GRM6: variants seen among roughly 807,000 people sequenced by gnomAD.
GRM6 encodes the protein metabotropic glutamate receptor 6.
Under a neutral mutation model 78.4 loss-of-function variants are expected in GRM6, and 73 were observed. The ratio of observed to expected loss-of-function variants is 0.93; its 90% confidence interval spans 0.77 to 1.13. The LOEUF is 1.13. Among genes scored for constraint, GRM6 ranks in the 50% most tolerant of loss-of-function variants. The pLI is 0.00. For synonymous variants in GRM6, 580 were observed against 555.0 expected (o/e 1.05, Z -0.63); for missense variants, 1,251 against 1,256.4 (o/e 1.00, Z 0.07).
chr5:178,992,761 G>C lies in GRM6; in HGVS notation c.505-678C>G, dbSNP rs568649978. 2.0e-4 allele frequency among the ~76,000 whole-genome samples: 31 copies of C among 152,182 alleles called. No homozygotes were observed. The South Asian group carries it at 3.5e-3, about 17-fold the overall frequency. On this transcript the variant is annotated intron_variant, in intron 2 of 10. Coordinates refer to ENST00000517717, the MANE Select transcript of GRM6 (RefSeq NM_000843.4). This position sits in a 1 kb window ranked among gnomAD's most constrained non-coding sequence, Gnocchi z 4.9. ...CAGGAGCTGGTGTGAAGGCCAGAGA[G>C]GGGGAGTTTCTGGAAGGAGGGAGGG... is the stretch of plus-strand genomic sequence containing the variant.
chr5:178,994,882 C>T lies in GRM6; in HGVS notation c.63G>A (p.Leu21=). The T allele has an allele frequency of 3.3e-6, 4 of 1,206,540 alleles. No homozygotes were observed. Among genetic ancestry groups the T allele is most frequent in the Non-Finnish European group, 4.1e-6 (4 of 969,784 alleles). 74.7% of individuals were successfully genotyped at this position (1,206,540 alleles called of 1,614,324 possible). A position where few individuals can be genotyped will look rare whatever the true frequency, so the allele number is the denominator to read the frequency against. The change falls in exon 2 of 11, where the codon CTG becomes CTA. Residue 21 remains leucine (L), a synonymous_variant. Coordinates refer to ENST00000517717, the MANE Select transcript of GRM6 (RefSeq NM_000843.4). ...CCGCGCGCGCCAGGCCCGCCTGCGC[C>T]AGCCACGCCAGCGGCAGCAGCGCCA... The part of the protein sequence containing the change: ...LLVALLPLAW[L]AQAGLARAAG...
rs1760390436 is a variant in GRM6 at position 178,981,289 on chromosome 5, T to TG, written c.*367dup. On this transcript the variant is annotated 3_prime_UTR_variant, in exon 11 of 11. Coordinates refer to ENST00000517717, the MANE Select transcript of GRM6 (RefSeq NM_000843.4). The surrounding 1 kb of genome is among the most constrained non-coding windows in gnomAD (Gnocchi z 5.1). ...TCCACACTGCCCAATCCCCAGGTTA[T>TG]GGGGGTTGACTGAGGGGAGGAAATC... 3.7e-6 allele frequency: 1 copy of TG among 267,862 alleles called. No individual in the cohort carries two copies. The highest frequency in any genetic ancestry group is 7.3e-6 in the Non-Finnish European group (1 of 137,782). The allele number at this position is 267,862 out of a possible 1,614,324, so 16.6% of individuals were successfully genotyped here. A position where few individuals can be genotyped will look rare whatever the true frequency, so the allele number is the denominator to read the frequency against.
At position 178,979,601 on chromosome 5, in the gene GRM6, A is replaced by C. The variant is rs1760348754; in HGVS notation, c.*2056T>G. 1 of 152,250 alleles carries C rather than the reference A, an allele frequency of 6.6e-6. No individual in the cohort carries two copies. Among genetic ancestry groups the C allele is most frequent in the Admixed American group, 6.5e-5 (1 of 15,274 alleles). 9.4% of individuals were successfully genotyped at this position (152,250 alleles called of 1,614,324 possible). The stretch of plus-strand genomic sequence containing the variant: ...CAGGACTCTATGCCAGAAACTTCAC[A>C]CTGGGGAGAAATCCTCAGTGCAATC... On this transcript the variant is annotated 3_prime_UTR_variant, in exon 11 of 11. Coordinates refer to ENST00000517717, the MANE Select transcript of GRM6 (RefSeq NM_000843.4).
chr5:178,992,405 G>C lies in GRM6; in HGVS notation c.505-322C>G, dbSNP rs976068676. 9.1e-5 allele frequency: 42 copies of C among 462,868 alleles called. No individual in the cohort carries two copies. Among genetic ancestry groups the C allele is most frequent in the African/African-American group, 6.0e-4 (31 of 51,470 alleles). The allele number at this position is 462,868 out of a possible 1,614,324, so 28.7% of individuals were successfully genotyped here. A position where few individuals can be genotyped will look rare whatever the true frequency, so the allele number is the denominator to read the frequency against. On this transcript the variant is annotated intron_variant, in intron 2 of 10. Coordinates refer to ENST00000517717, the MANE Select transcript of GRM6 (RefSeq NM_000843.4). The surrounding 1 kb of genome is among the most constrained non-coding windows in gnomAD (Gnocchi z 4.9). ...GTGTCCTGAACAAGGACCCCCAGCA[G>C]AGGGCCTGCAGCCCATCCAGCTGCA...
intron 9 of GRM6, 100 bp downstream of exon 9, chr5:178,986,030 G>C: frequency 9.0e-7 from 1 of 1,116,140 alleles, no homozygotes; most frequent in Non-Finnish European, 1.3e-6. Context: ...CAAAGGTGCT[G>C]GGACTACAGG....
At chr5:178,995,071 G>C (rs1198687260) in intron 1 of GRM6, 111 bp from the exon 2 acceptor site, 5 of 529,256 alleles carry the variant, frequency 9.4e-6, no homozygotes, top group African/African-American at 4.1e-5. Flanking sequence ...CTCGGGGCGC[G>C]CCTTCCACTT....
Position 178,978,398 on chromosome 5 carries a change from A to G in GRM6, c.*3259T>C, listed in dbSNP as rs192684059. 15 of 152,376 alleles carry G rather than the reference A, an allele frequency of 9.8e-5. 1 individual carries two copies. The highest frequency in any genetic ancestry group is 9.2e-4 in the Admixed American group (14 of 15,298). The allele number at this position is 152,376 out of a possible 1,614,324, so 9.4% of individuals were successfully genotyped here. ...TCAGTTACCTGGACTCTTTACAGTAAGCAATGAATGTAATAAATTAAAGGG... is the reference window on the plus strand; with the variant it reads ...TCAGTTACCTGGACTCTTTACAGTAGGCAATGAATGTAATAAATTAAAGGG... On this transcript the variant is annotated 3_prime_UTR_variant, in exon 11 of 11. Coordinates refer to ENST00000517717, the MANE Select transcript of GRM6 (RefSeq NM_000843.4).
chr5:178,981,598 A>G lies in GRM6; in HGVS notation c.*59T>C. ...TGGACCCGGGCTCTATACAGCTTCC[A>G]CCTCGAGGCAAGAGGAAGAAAGGAG... On this transcript the variant is annotated 3_prime_UTR_variant, in exon 11 of 11. Coordinates refer to ENST00000517717, the MANE Select transcript of GRM6 (RefSeq NM_000843.4). The surrounding 1 kb of genome is among the most constrained non-coding windows in gnomAD (Gnocchi z 5.1). The G allele has an allele frequency of 7.5e-7, 1 of 1,339,730 alleles. No homozygotes were observed. The highest frequency in any genetic ancestry group is 1.1e-6 in the Non-Finnish European group (1 of 934,836). The allele number at this position is 1,339,730 out of a possible 1,614,324, so 83.0% of individuals were successfully genotyped here. A position where few individuals can be genotyped will look rare whatever the true frequency, so the allele number is the denominator to read the frequency against.
Position 178,981,449 on chromosome 5 carries a change from G to GGA in GRM6, c.*207_*208insTC. The GGA allele has an allele frequency of 1.7e-6, 1 of 583,694 alleles. No homozygotes were observed. Among genetic ancestry groups the GGA allele is most frequent in the South Asian group, 2.0e-5 (1 of 48,928 alleles). The allele number at this position is 583,694 out of a possible 1,614,324, so 36.2% of individuals were successfully genotyped here. On this transcript the variant is annotated 3_prime_UTR_variant, in exon 11 of 11. Transcript: ENST00000517717. This position sits in a 1 kb window ranked among gnomAD's most constrained non-coding sequence, Gnocchi z 5.1. ...ACCATGGGAAGCGAGTCTGGTCTGT[G>GGA]GTGAGGAAGCATGAAGCTCACATGC...
Position 178,982,692 on chromosome 5 carries a change from TA to T in GRM6, c.2436+217del, listed in dbSNP as rs11335877. ...ATATCTCTCAAAGAAATGAAAATGA[TA>T]AAAAAAAAAAAGAAAAAAAGAAGAG... On this transcript the variant is annotated intron_variant, in intron 10 of 10. Coordinates refer to ENST00000517717, the MANE Select transcript of GRM6 (RefSeq NM_000843.4). 0.24 allele frequency: 103,890 copies of T among 430,602 alleles called. 7,970 individuals are homozygous for T. The highest frequency in any genetic ancestry group is 0.29 in the Non-Finnish European group (68,991 of 241,242). The allele number at this position is 430,602 out of a possible 1,614,324, so 26.7% of individuals were successfully genotyped here.
At chr5:178,987,369 C>A (rs879251422) in intron 7 of GRM6, 1 of 469,042 alleles carries the variant, frequency 2.1e-6, no homozygotes, top group Non-Finnish European at 4.3e-6. Context: ...GCCACGTTCA[C>A]AGCAGCGTTA....
chr5:178,985,704 A>AAAAAC (rs1561717051), intron 9 of GRM6: 1 of 409,624 alleles, frequency 2.4e-6, no homozygotes, highest in East Asian at 7.1e-5. Context: ...CTCTGTCTAA[A>AAAAAC]AAAAAAAAAA....
At chr5:178,989,731 CCTT>C in intron 5 of GRM6, 2 of 425,294 alleles carry the variant, frequency 4.7e-6, no homozygotes, top group South Asian at 4.3e-5. Flanking sequence ...TATCCCTGCT[CCTT>C]CTTTCCTGTT....
At position 178,982,932 on chromosome 5, in the gene GRM6, C is replaced by T. The variant is rs150794901; in HGVS notation, c.2414G>A (p.Gly805Asp). ...IWLAFVPIFFGTAQSAEKIYI... is the reference protein window; with the variant it reads ...IWLAFVPIFFDTAQSAEKIYI... ...TACCTTTTCAGCTGACTGGGCAGTG[C>T]CAAAGAAGATGGGCACGAATGCCAG... Residue 805 changes from glycine (G) to aspartate (D), a missense_variant, in exon 10 of 11, where the codon GGC (glycine) becomes GAC (aspartate). By Grantham distance (94) the Gly-to-Asp change is moderately conservative. Coordinates refer to ENST00000517717, the MANE Select transcript of GRM6 (RefSeq NM_000843.4). 37 of 1,614,028 alleles carry T rather than the reference C, an allele frequency of 2.3e-5. No individual in the cohort carries two copies. In the African/African-American group the frequency reaches 4.3e-4, roughly 19 times the overall value.
intron 5 of GRM6, 86 bp downstream of exon 5, chr5:178,990,506 A>G: frequency 1.8e-6 from 2 of 1,105,220 alleles, no homozygotes; most frequent in East Asian, 4.7e-5. Context: ...TATGGCACCA[A>G]TTACACAGAT....
Position 178,982,910 on chromosome 5 carries a change from C to T in GRM6, c.2436G>A (p.Lys812=). 1 of 1,612,564 alleles carries T rather than the reference C, an allele frequency of 6.2e-7. No individual in the cohort carries two copies. Among genetic ancestry groups the T allele is most frequent in the East Asian group, 2.2e-5 (1 of 44,872 alleles). Residue 812 remains lysine (K), a splice_region_variant and synonymous_variant, in exon 10 of 11, where the codon AAG becomes AAA. Transcript: ENST00000517717. ...IFFGTAQSAE[K]IYIQTTTLTV... ...CGAGACCTCCTGGGGACCTCATTACCTTTTCAGCTGACTGGGCAGTGCCAA... is the reference window on the plus strand; with the variant it reads ...CGAGACCTCCTGGGGACCTCATTACTTTTTCAGCTGACTGGGCAGTGCCAA...
chr5:178,991,753 G>T lies in GRM6; in HGVS notation c.721+114C>A. 8.7e-7 allele frequency: 1 copy of T among 1,144,960 alleles called. No individual in the cohort carries two copies. The allele number at this position is 1,144,960 out of a possible 1,614,324, so 70.9% of individuals were successfully genotyped here. A position where few individuals can be genotyped will look rare whatever the true frequency, so the allele number is the denominator to read the frequency against. On this transcript the variant is annotated intron_variant, in intron 3 of 10. Transcript: ENST00000517717. This position sits in a 1 kb window ranked among gnomAD's most constrained non-coding sequence, Gnocchi z 5.0. ...TCCCGCCCACATGGAGCACCAGCCA[G>T]GCAACCTCGGCCCAGCATGGACCTG...
chr5:178,986,418 G>C lies in GRM6; in HGVS notation c.1836C>G (p.Asn612Lys), dbSNP rs113146213. The change falls in exon 9 of 11, where the codon AAC becomes AAG. Residue 612 changes from asparagine to lysine, a missense_variant. Asn to Lys is a moderately conservative substitution (Grantham distance 94). Coordinates refer to ENST00000517717, the MANE Select transcript of GRM6 (RefSeq NM_000843.4). ...TVVATFVRYN[N>K]TPIVRASGRE... The stretch of plus-strand genomic sequence containing the variant: ...GGCCCGAGGCCCGGACGATGGGCGT[G>C]TTGTTGTACCGCACGAAGGTGGCCA... The C allele has an allele frequency of 2.5e-6, 4 of 1,613,534 alleles. No homozygotes were observed. The African/African-American group carries it at 5.3e-5, about 22-fold the overall frequency.
intron 2 of GRM6, among the ~76,000 whole-genome samples, chr5:178,994,228 G>A (rs567656451): frequency 2.0e-5 from 3 of 152,350 alleles, no homozygotes; most frequent in Non-Finnish European, 2.9e-5. Context: ...GCGCCCTCGC[G>A]GGGCGGGGTA....
Sources: gnomAD v4.1 joint callset for allele counts (sites outside exome capture counted in the v4.1 genomes callset) on GRCh38, gnomAD v4.1.1 for gene constraint, Gnocchi (gnomAD v3.1) non-coding constraint, MANE v1.5 for transcripts, NCBI Gene and HGNC (gene_info 2026-07-23, HGNC 2026-07-21) for gene names.